GLI2: variants seen among roughly 807,000 people sequenced by gnomAD.
The protein encoded by GLI2 is GLI family zinc finger 2, also known as transcription activator GLI2.
Under a neutral mutation model 78.9 loss-of-function variants are expected in GLI2, and 22 were observed. The ratio of observed to expected loss-of-function variants is 0.28; its 90% CI spans 0.20 to 0.40. GLI2 has a LOEUF of 0.40. GLI2 is among the 10% of genes least tolerant of loss of function. The pLI, the probability that GLI2 is intolerant of heterozygous loss-of-function variation, is 1.00. For missense variants in GLI2, 2,097 were observed against 2,213.2 expected, an observed-to-expected ratio of 0.95 and a Z score of 1.05; for synonymous variants, 974 against 963.7, an observed-to-expected ratio of 1.01 and a Z score of -0.20.
chr2:120,901,864 C>G (rs1265695992), intron 2 of GLI2, among the ~76,000 whole-genome samples: 1 of 152,190 alleles, frequency 6.6e-6, no homozygotes, highest in African/African-American at 2.4e-5. Context: ...CAGCAAGGTT[C>G]TTCACAACAC....
intron 7 of GLI2, 63 bp downstream of exon 7, chr2:120,970,669 A>C (rs1483084087): frequency 4.5e-6 from 6 of 1,337,410 alleles, no homozygotes; most frequent in Middle Eastern, 3.7e-4. Context: ...AGGGTTGTTC[A>C]CTGCCAGCTC....
At position 120,989,373 on chromosome 2, in the gene GLI2, C is replaced by A. The variant is rs1239389933; in HGVS notation, c.3408C>A (p.Thr1136=). Residue 1136 remains threonine, a synonymous_variant, in exon 14 of 14, where the codon ACC becomes ACA. Coordinates refer to ENST00000361492, the MANE Select transcript of GLI2 (RefSeq NM_001374353.1). ...PVQWNEVSSG[T]VDALASQVKP... ...AGTGGAATGAGGTGAGCTCCGGCAC[C>A]GTAGACGCCCTGGCCAGCCAGGTGA... 8 of 1,612,992 alleles carry A rather than the reference C, an allele frequency of 5.0e-6. No individual in the cohort carries two copies. The highest frequency in any genetic ancestry group is 6.8e-6 in the Non-Finnish European group (8 of 1,179,984).
chr2:120,740,498 A>G (rs1682498547), intron 1 of GLI2, among the ~76,000 whole-genome samples: 1 of 151,676 alleles, frequency 6.6e-6, no homozygotes, highest in Non-Finnish European at 1.5e-5. Context: ...GGTTTCAGCT[A>G]TTAGCATAAG....
intron 9 of GLI2, 148 bp from the exon 10 acceptor site, chr2:120,978,286 A>G (rs1263445173): frequency 1.3e-5 from 11 of 840,278 alleles, no homozygotes; most frequent in Middle Eastern, 4.6e-4. Flanking sequence ...CGGTCTGAAC[A>G]TAATAGGTGT....
intron 5 of GLI2, among the ~76,000 whole-genome samples, chr2:120,967,215 G>C (rs1351485038): frequency 6.6e-6 from 1 of 152,224 alleles, no homozygotes; most frequent in Non-Finnish European, 1.5e-5. Flanking sequence ...ATGAGAAGAG[G>C]CTGCTCCATG....
At chr2:120,908,724 G>A (rs1228181366) in intron 2 of GLI2, among the ~76,000 whole-genome samples, 1 of 152,204 alleles carries the variant, frequency 6.6e-6, no homozygotes, top group Non-Finnish European at 1.5e-5. Flanking sequence ...TGGTTTAGGG[G>A]AAACCAATGT....
chr2:120,935,711 C>A (rs769277278), intron 3 of GLI2, among the ~76,000 whole-genome samples: 8 of 152,134 alleles, frequency 5.3e-5, no homozygotes, highest in Non-Finnish European at 8.8e-5. Flanking sequence ...GCATTTTGAC[C>A]CCCCACCCCT....
chr2:120,869,945 A>G (rs1302493145), intron 2 of GLI2, among the ~76,000 whole-genome samples: 1 of 152,168 alleles, frequency 6.6e-6, no homozygotes, highest in Non-Finnish European at 1.5e-5. Context: ...AGCTCTCACC[A>G]GTAGGTTTAG....
intron 2 of GLI2, among the ~76,000 whole-genome samples, chr2:120,894,701 CT>C (rs35695421): frequency 0.035 from 4,751 of 136,892 alleles, 199 homozygotes; most frequent in African/African-American, 0.096. Flanking sequence ...TCTTTTCTTT[CT>C]TTTTTTTTTT....
rs566465250 is a variant in GLI2, at chr2:120,989,517, G to A, written c.3552G>A (p.Thr1184=). Reference sequence around the variant, plus strand: ...CTAGCCCTGGGGGCCTGGACAGCACGCAGCCACACCTGCAGCCCCGCAGCG... The same window carrying A: ...CTAGCCCTGGGGGCCTGGACAGCACACAGCCACACCTGCAGCCCCGCAGCG... ...LQASPGGLDS[T]QPHLQPRSGA... is the part of the protein sequence containing the mutation. Residue 1184 remains threonine (T), a synonymous_variant, in exon 14 of 14, where the codon ACG becomes ACA. Transcript: ENST00000361492. 7.7e-5 allele frequency: 124 copies of A among 1,611,932 alleles called. No homozygotes were observed. In the East Asian group the frequency reaches 2.3e-3, roughly 30 times the overall value.
At chr2:120,881,046 G>A (rs1403605328) in intron 2 of GLI2, among the ~76,000 whole-genome samples, 1 of 152,128 alleles carries the variant, frequency 6.6e-6, no homozygotes, top group Non-Finnish European at 1.5e-5. Flanking sequence ...TGTAAAATGG[G>A]GGCAAGTCAC....
chr2:120,904,755 A>G (rs1295535680), intron 2 of GLI2, among the ~76,000 whole-genome samples: 2 of 152,142 alleles, frequency 1.3e-5, no homozygotes, highest in South Asian at 2.1e-4. Flanking sequence ...GCCTCTCTTG[A>G]TTCCCTGGTG....
intron 5 of GLI2, among the ~76,000 whole-genome samples, chr2:120,960,399 T>A (rs1434484728): frequency 6.6e-6 from 1 of 151,976 alleles, no homozygotes; most frequent in Non-Finnish European, 1.5e-5. Context: ...GAGAGGTGGG[T>A]GGGAACTCCA....
At chr2:120,762,070 C>T (rs946810399) in intron 1 of GLI2, among the ~76,000 whole-genome samples, 2 of 152,224 alleles carry the variant, frequency 1.3e-5, no homozygotes, top group Middle Eastern at 3.2e-3. Context: ...GTTCTGGTGC[C>T]ACACTCTGCT....
chr2:120,928,462 T>C (rs917477281), intron 3 of GLI2, among the ~76,000 whole-genome samples: 1 of 152,096 alleles, frequency 6.6e-6, no homozygotes, highest in African/African-American at 2.4e-5. Flanking sequence ...CATCTGTTTT[T>C]GCACCTGCCT....
chr2:120,830,141 G>A (rs188043883), intron 2 of GLI2, among the ~76,000 whole-genome samples: 8 of 152,298 alleles, frequency 5.3e-5, no homozygotes, highest in East Asian at 1.9e-4. Flanking sequence ...CCCTGGGCCC[G>A]CTCTGCCCCT....
chr2:120,755,088 T>C (rs894119588), intron 1 of GLI2, among the ~76,000 whole-genome samples: 5 of 152,208 alleles, frequency 3.3e-5, no homozygotes, highest in Admixed American at 6.5e-5. Flanking sequence ...TGACCTCAAA[T>C]GGTCTACCCG....
At chr2:120,966,694 C>T (rs1681873594) in intron 5 of GLI2, among the ~76,000 whole-genome samples, 1 of 152,160 alleles carries the variant, frequency 6.6e-6, no homozygotes, top group South Asian at 2.1e-4. Context: ...ATGGTTGCCT[C>T]GAGGGGCCAA....
chr2:120,897,367 G>A lies in GLI2; in HGVS notation c.149-29994G>A, dbSNP rs58006310. On this transcript the variant is annotated intron_variant, in intron 2 of 13. Coordinates refer to ENST00000361492, the MANE Select transcript of GLI2 (RefSeq NM_001374353.1). ...TTTGCTCAAGAGCCTGAACACTACC[G>A]CTTTCCTACTAAAGGCTAAAAATAA... is the stretch of plus-strand genomic sequence containing the variant. Among the ~76,000 whole-genome samples, 971 of 147,488 alleles carry A rather than the reference G, an allele frequency of 6.6e-3. 11 individuals are homozygous for A. The highest frequency in any genetic ancestry group is 0.022 in the African/African-American group (921 of 41,250).
Sources: gnomAD v4.1 joint callset for allele counts (sites outside exome capture counted in the v4.1 genomes callset) on GRCh38, gnomAD v4.1.1 for gene constraint, MANE v1.5 for transcripts, NCBI Gene and HGNC (gene_info 2026-07-23, HGNC 2026-07-21) for gene names.